Variants in NBPF8 observed in about 807,000 individuals in gnomAD.
NBPF8 encodes NBPF family member NBPF8.
At chr1:120,425,081 G>A (rs1322590303) in intron 1 of NBPF8, among the ~76,000 whole-genome samples, 28,308 of 149,722 alleles carry the variant, frequency 0.19, 3,252 homozygotes, top group Non-Finnish European at 0.26. Flanking sequence ...GGAAAGCCAG[G>A]TATTGTCCAA....
chr1:120,462,192 CCCCAGGTAACTTTGAG>C, intron 20 of NBPF8: 1 of 562,272 alleles, frequency 1.8e-6, no homozygotes, highest in Admixed American at 2.7e-5. Context: ...ACCCATCATG[CCCCAGGTAACTTTGAG>C]CAATTATGGA....
chr1:120,466,179 T>A, exon 25 of NBPF8: 2 of 1,609,582 alleles, frequency 1.2e-6, no homozygotes, highest in South Asian at 2.2e-5. Context: ...CGGTGACAAG[T>A]CTCTATCTGG....
downstream of NBPF8, among the ~76,000 whole-genome samples, chr1:120,469,322 T>C (rs1661846932): frequency 6.9e-6 from 1 of 144,388 alleles, no homozygotes; most frequent in Non-Finnish European, 1.5e-5. Context: ...CTCTTAATTC[T>C]CTCCTGGCCC....
At chr1:120,434,499 C>A (rs1260340873), upstream of NBPF8, among the ~76,000 whole-genome samples, 7 of 146,714 alleles carry the variant, frequency 4.8e-5, no homozygotes, top group Non-Finnish European at 1.1e-4. Flanking sequence ...TAATGCTATC[C>A]CTCCCCCAGC....
chr1:120,452,734 C>T (rs746329498), intron 13 of NBPF8, among the ~76,000 whole-genome samples: 1 of 152,230 alleles, frequency 6.6e-6, no homozygotes, highest in African/African-American at 2.4e-5. Flanking sequence ...GAGTTTCTCT[C>T]TCTCCGTGGC....
upstream of NBPF8, chr1:120,433,697 C>T (rs1174258010): frequency 4.5e-6 from 1 of 220,174 alleles, no homozygotes; most frequent in African/African-American, 2.3e-5. Flanking sequence ...CATAACATTA[C>T]TTGTCGATGA....
intron 17 of NBPF8, among the ~76,000 whole-genome samples, chr1:120,460,317 G>C (rs1332450403): frequency 6.6e-6 from 1 of 152,150 alleles, no homozygotes; most frequent in East Asian, 1.9e-4. Context: ...TTGCTCATTT[G>C]TGTACATAAA....
chr1:120,469,509 C>T, downstream of NBPF8, among the ~76,000 whole-genome samples: 1 of 148,066 alleles, frequency 6.8e-6, no homozygotes, highest in Non-Finnish European at 1.5e-5. Flanking sequence ...GTAACTATCA[C>T]ACATGCCCTT....
At chr1:120,469,468 C>T (rs1373302035), downstream of NBPF8, among the ~76,000 whole-genome samples, 4 of 141,608 alleles carry the variant, frequency 2.8e-5, no homozygotes, top group Non-Finnish European at 6.1e-5. Flanking sequence ...TGTCCTGGCA[C>T]CCTGGTGCTC....
chr1:120,421,597 A>T (rs1263347438), intron 1 of NBPF8, among the ~76,000 whole-genome samples: 4 of 127,676 alleles, frequency 3.1e-5, no homozygotes, highest in Admixed American at 2.6e-4. Context: ...TTTGTCTCTC[A>T]TGCTCTCTCT....
chr1:120,419,329 C>T (rs1660509967), upstream of NBPF8, among the ~76,000 whole-genome samples: 1 of 152,174 alleles, frequency 6.6e-6, no homozygotes, highest in African/African-American at 2.4e-5. Flanking sequence ...TACAGATAGA[C>T]CAGATAGACC....
At chr1:120,459,749 C>T (rs1553250013) in intron 17 of NBPF8, among the ~76,000 whole-genome samples, 38 of 152,330 alleles carry the variant, frequency 2.5e-4, no homozygotes, top group African/African-American at 6.3e-4. Context: ...ACGCCATGCC[C>T]GTGCCAACCT....
intron 18 of NBPF8, 111 bp downstream of exon 16, chr1:120,460,735 T>A (rs1305615195): frequency 2.0e-6 from 2 of 987,252 alleles, no homozygotes; most frequent in Non-Finnish European, 3.2e-6. Flanking sequence ...CAGACAAGTC[T>A]GAATTACGCC....
At chr1:120,425,241 G>A (rs1229215919) in intron 1 of NBPF8, among the ~76,000 whole-genome samples, 1 of 151,746 alleles carries the variant, frequency 6.6e-6, no homozygotes, top group Non-Finnish European at 1.5e-5. Context: ...TAAGAGGAAG[G>A]CATCTGTCTC....
intron 23 of NBPF8, 56 bp downstream of exon 21, chr1:120,464,604 C>T (rs2101701528): frequency 1.3e-6 from 1 of 795,554 alleles, no homozygotes; most frequent in East Asian, 2.4e-5. Context: ...ATATAAAGAT[C>T]ATGTTCCTGC....
chr1:120,467,878 T>TATG (rs1491486030), downstream of NBPF8: 2 of 152,202 alleles, frequency 1.3e-5, no homozygotes, highest in Non-Finnish European at 1.5e-5. Context: ...CATTGTAGGC[T>TATG]ATGTTTACCA....
At position 120,419,913 on chromosome 1, in the gene NBPF8, T is replaced by TTACC. The variant is rs1282384066; in HGVS notation, n.65_68dup. On this transcript the variant is annotated non_coding_transcript_exon_variant, in exon 1 of 29. It introduces an in-frame stop codon into an upstream open reading frame of the 5' UTR. Coordinates refer to the NBPF8 transcript ENST00000652355. ...GTTCCTGGTGACCCAGGCTCTCACC[T>TTACC]TACCGTCCCTTACCGTCCTCCTGAG... Among the ~76,000 whole-genome samples the TTACC allele has an allele frequency of 2.2e-5, 2 of 91,244 alleles. No homozygotes were observed. The highest frequency in any genetic ancestry group is 4.4e-5 in the Non-Finnish European group (2 of 45,344). The allele number at this position is 91,244 out of a possible 152,430, so 59.9% of individuals were successfully genotyped here.
At chr1:120,450,240 T>A (rs1661226942) in intron 11 of NBPF8, among the ~76,000 whole-genome samples, 1 of 151,848 alleles carries the variant, frequency 6.6e-6, no homozygotes, top group Non-Finnish European at 1.5e-5. Flanking sequence ...ATAATAATAA[T>A]AATGATAAAT....
chr1:120,416,753 A>T (rs1660447948), upstream of NBPF8, among the ~76,000 whole-genome samples: 1 of 152,002 alleles, frequency 6.6e-6, no homozygotes, highest in Non-Finnish European at 1.5e-5. Flanking sequence ...GATAAAACTT[A>T]GTATTACATA....
Sources: gnomAD v4.1 joint callset for allele counts (sites outside exome capture counted in the v4.1 genomes callset) on GRCh38, gnomAD v4.1.1 for gene constraint, MANE v1.5 for transcripts, NCBI Gene and HGNC (gene_info 2026-07-23, HGNC 2026-07-21) for gene names.